SRFBP1: variants seen among roughly 807,000 people sequenced by gnomAD.
SRFBP1 encodes the protein serum response factor-binding protein 1.
In SRFBP1, 47 loss-of-function variants were observed where a neutral mutation model predicts 45.5. That is an observed-to-expected ratio of 1.03 (90% CI 0.82 to 1.32). The LOEUF (loss-of-function observed/expected upper bound fraction) is 1.32, where lower values mean the gene tolerates loss of function less well. Ranked by LOEUF, SRFBP1 falls within the 40% of genes most tolerant of loss-of-function variation. The pLI is 0.00. For synonymous variants in SRFBP1, 203 were observed against 166.3 expected (o/e 1.22, Z -1.70); for missense variants, 621 against 484.6 (o/e 1.28, Z -2.64).
chr5:122,063,775 C>G (rs1263663792), intron 2 of SRFBP1: 1 of 151,892 alleles, frequency 6.6e-6, no homozygotes, highest in Non-Finnish European at 1.5e-5. Flanking sequence ...AAGATTAACT[C>G]TCAGTGCCAG....
chr5:122,066,605 A>C lies in SRFBP1; in HGVS notation n.312-8710A>C. On this transcript the variant is annotated intron_variant and non_coding_transcript_variant, in intron 2 of 2. Transcript: ENST00000504881. ...ATCCAGTTATGTGCTTTGTTATTGA[A>C]AACAGTCCAAACAAAAATTCTTTTG... 6.0e-6 allele frequency: 4 copies of C among 665,320 alleles called. No individual in the cohort carries two copies. The South Asian group carries it at 8.9e-5, about 15-fold the overall frequency. The allele number at this position is 665,320 out of a possible 1,614,324, so 41.2% of individuals were successfully genotyped here. A position where few individuals can be genotyped will look rare whatever the true frequency, so the allele number is the denominator to read the frequency against.
intron 4 of SRFBP1, among the ~76,000 whole-genome samples, chr5:122,007,934 G>A (rs74583276): frequency 0.041 from 6,309 of 152,148 alleles, 144 homozygotes; most frequent in African/African-American, 0.05. Context: ...TGGTGCTTGG[G>A]TGGGCTTGAA....
chr5:121,995,701 T>G lies in SRFBP1; in HGVS notation c.270+1031T>G, dbSNP rs536403614. On this transcript the variant is annotated intron_variant, in intron 4 of 7. Coordinates refer to ENST00000339397, the MANE Select transcript of SRFBP1 (RefSeq NM_152546.3). ...AGGAAATAGAGACACAAAAAACCCT[T>G]CAAAAAATCAGTGAATCCAGGAGCT... Among the ~76,000 whole-genome samples, 764 of 152,004 alleles carry G rather than the reference T, an allele frequency of 5.0e-3. 10 individuals carry two copies. Among genetic ancestry groups the G allele is most frequent in the African/African-American group, 0.017 (721 of 41,462 alleles).
chr5:122,009,733 C>T (rs771795774), intron 4 of SRFBP1, among the ~76,000 whole-genome samples: 1 of 152,164 alleles, frequency 6.6e-6, no homozygotes, highest in Non-Finnish European at 1.5e-5. Context: ...TGTCTATCTA[C>T]TATTCTTGCA....
chr5:121,974,974 A>G (rs1752271867), intron 2 of SRFBP1, among the ~76,000 whole-genome samples: 1 of 151,926 alleles, frequency 6.6e-6, no homozygotes, highest in African/African-American at 2.4e-5. Context: ...TCAAACTCTA[A>G]TTGTAAATTA....
chr5:121,975,636 C>T (rs1469960194), intron 3 of SRFBP1, among the ~76,000 whole-genome samples: 1 of 151,924 alleles, frequency 6.6e-6, no homozygotes, highest in Non-Finnish European at 1.5e-5. Context: ...AAACTAAATT[C>T]ATCTATGTTT....
rs61734326 is a variant in SRFBP1 at position 122,020,494 on chromosome 5, T to A, written c.759T>A (p.Phe253Leu). 86,414 of 1,613,996 alleles carry A rather than the reference T, an allele frequency of 0.054. 3,085 individuals carry two copies. Among genetic ancestry groups the A allele is most frequent in the African/African-American group, 0.18 (13,143 of 74,964 alleles). Residue 253 changes from phenylalanine to leucine, a missense_variant, in exon 6 of 8, where the codon TTT becomes TTA. By Grantham distance (22) the Phe-to-Leu change is conservative. Transcript: ENST00000339397. ...LSGNSDGGEE[F>L]CEEEKEYFDD... ...GTAACAGTGATGGCGGAGAAGAATT[T>A]TGTGAAGAGGAGAAGGAATATTTTG...
chr5:122,074,173 A>C, intron 2 of SRFBP1: 2 of 1,609,414 alleles, frequency 1.2e-6, no homozygotes, highest in African/African-American at 1.3e-5. Context: ...GTAATGTCTG[A>C]TGTCCCACAA....
chr5:122,036,210 A>T (rs1753690228), intron 2 of SRFBP1, among the ~76,000 whole-genome samples: 2 of 152,122 alleles, frequency 1.3e-5, no homozygotes, highest in East Asian at 3.9e-4. Flanking sequence ...GGACCTTCTG[A>T]TACCACTTTG....
At chr5:122,036,429 G>A (rs1333743466) in intron 2 of SRFBP1, among the ~76,000 whole-genome samples, 1 of 152,106 alleles carries the variant, frequency 6.6e-6, no homozygotes, top group East Asian at 1.9e-4. Flanking sequence ...GGAGAAATAA[G>A]TACATCCTGA....
At chr5:122,021,668 C>CTTTTTT (rs912072262) in intron 6 of SRFBP1, among the ~76,000 whole-genome samples, 2 of 96,954 alleles carry the variant, frequency 2.1e-5, no homozygotes, top group African/African-American at 4.6e-5. Flanking sequence ...AAATATAAAT[C>CTTTTTT]TTTTTTTTTT....
chr5:122,056,482 A>G (rs1448194479), intron 2 of SRFBP1, among the ~76,000 whole-genome samples: 1 of 152,202 alleles, frequency 6.6e-6, no homozygotes, highest in African/African-American at 2.4e-5. Context: ...GCCAATAAAC[A>G]TTCCTAACCA....
Position 122,064,074 on chromosome 5 carries a change from C to G in SRFBP1, n.312-11241C>G, listed in dbSNP as rs1754236536. The stretch of plus-strand genomic sequence containing the variant: ...GATCGCTAATATGGCATATTGTAAA[C>G]TGACTCATAAACTCTGAAATTATGT... On this transcript the variant is annotated intron_variant and non_coding_transcript_variant, in intron 2 of 2. Coordinates refer to the SRFBP1 transcript ENST00000504881. The G allele has an allele frequency of 2.6e-5, 4 of 151,980 alleles. No homozygotes were observed. The South Asian group carries it at 8.3e-4, about 32-fold the overall frequency. The allele number at this position is 151,980 out of a possible 1,614,324, so 9.4% of individuals were successfully genotyped here.
At chr5:122,022,345 C>A in intron 6 of SRFBP1, 25 bp from the exon 7 acceptor site, 2 of 1,591,172 alleles carry the variant, frequency 1.3e-6, no homozygotes, top group South Asian at 1.1e-5. Context: ...TTTAAAAAGT[C>A]ATAATGGTGT....
chr5:122,048,716 T>C (rs926391028), intron 2 of SRFBP1, among the ~76,000 whole-genome samples: 3 of 152,206 alleles, frequency 2.0e-5, no homozygotes, highest in Admixed American at 1.3e-4. Context: ...ATTGCCTCAA[T>C]TTCAGAGCCT....
chr5:122,028,420 A>C lies in SRFBP1; in HGVS notation c.*1294A>C, dbSNP rs942483855. ...AAGGAGTTCAAAACCAGCCTGGGCA[A>C]CATGGTGAAACCCTGTCTCTACTAA... On this transcript the variant is annotated 3_prime_UTR_variant, in exon 8 of 8. Transcript: ENST00000339397. 1 of 152,178 alleles carries C rather than the reference A, an allele frequency of 6.6e-6. No homozygotes were observed. The highest frequency in any genetic ancestry group is 1.5e-5 in the Non-Finnish European group (1 of 68,056). The allele number at this position is 152,178 out of a possible 1,614,324, so 9.4% of individuals were successfully genotyped here.
intron 3 of SRFBP1, among the ~76,000 whole-genome samples, chr5:121,977,519 T>G (rs1580502263): frequency 2.0e-5 from 3 of 152,270 alleles, no homozygotes; most frequent in Middle Eastern, 6.8e-3. Context: ...AAAGCATTTT[T>G]CTTAATTAAA....
chr5:121,998,903 C>T (rs907350593), intron 4 of SRFBP1, among the ~76,000 whole-genome samples: 2 of 152,142 alleles, frequency 1.3e-5, no homozygotes, highest in Admixed American at 1.3e-4. Context: ...TTCTTCCTTA[C>T]TAATTCCCTT....
chr5:122,018,190 A>G (rs1027075199), intron 4 of SRFBP1, among the ~76,000 whole-genome samples: 1 of 152,244 alleles, frequency 6.6e-6, no homozygotes, highest in African/African-American at 2.4e-5. Context: ...AGCTTAAAGA[A>G]GAACAGATAT....
Sources: gnomAD v4.1 joint callset for allele counts (sites outside exome capture counted in the v4.1 genomes callset) on GRCh38, gnomAD v4.1.1 for gene constraint, MANE v1.5 for transcripts, NCBI Gene and HGNC (gene_info 2026-07-23, HGNC 2026-07-21) for gene names.